Variants in RNF115 observed in about 807,000 individuals in gnomAD.
The protein encoded by RNF115 is E3 ubiquitin-protein ligase RNF115.
RNF115 carries 31 observed loss-of-function variants against 39.2 expected under a neutral mutation model. The observed-to-expected ratio is 0.79, with a 90% CI of 0.59 to 1.07. The LOEUF (loss-of-function observed/expected upper bound fraction) is 1.07. Ranked by LOEUF, RNF115 falls within the 50% of genes least tolerant of loss-of-function variation. The pLI, the probability that RNF115 is intolerant of heterozygous loss-of-function variation, is 0.00. For synonymous variants in RNF115, 124 were observed against 131.0 expected, an observed-to-expected ratio of 0.95 and a Z score of 0.37; for missense variants, 384 against 381.7, an observed-to-expected ratio of 1.01 and a Z score of -0.05.
At chr1:145,800,258 T>A (rs969921196) in intron 1 of RNF115, among the ~76,000 whole-genome samples, 4 of 152,186 alleles carry the variant, frequency 2.6e-5, no homozygotes, top group African/African-American at 7.2e-5. Flanking sequence ...ACTAAACACA[T>A]GATGTGCTTG....
chr1:145,753,944 C>T (rs1658197369), intron 4 of RNF115, among the ~76,000 whole-genome samples: 1 of 152,118 alleles, frequency 6.6e-6, no homozygotes, highest in South Asian at 2.1e-4. Context: ...CAAAGCTGAT[C>T]TTGACCTCCT....
intron 1 of RNF115, among the ~76,000 whole-genome samples, chr1:145,803,700 T>C (rs587711467): frequency 3.3e-4 from 50 of 152,342 alleles, no homozygotes; most frequent in Non-Finnish European, 5.7e-4. Context: ...CTTTATCATT[T>C]TGTTCCTTAA....
chr1:145,746,899 A>G lies in RNF115; in HGVS notation c.882T>C (p.Asn294=). 2 of 1,614,122 alleles carry G rather than the reference A, an allele frequency of 1.2e-6. No individual in the cohort carries two copies. Among genetic ancestry groups the G allele is most frequent in the Non-Finnish European group, 1.7e-6 (2 of 1,180,006 alleles). ...TCCATCGGTCATGTAGCTGACTGTC[A>G]TTGCTAAATCTGTTGCTTGCAGAGG... ...TEASASNRFS[N]DSQLHDRWTF is the part of the protein sequence containing the mutation. Residue 294 remains asparagine (N), a synonymous_variant, in exon 9 of 9, where the codon AAT becomes AAC. Transcript: ENST00000582693.
At chr1:145,753,257 C>G (rs1658165152) in intron 4 of RNF115, among the ~76,000 whole-genome samples, 2 of 152,128 alleles carry the variant, frequency 1.3e-5, no homozygotes, top group South Asian at 4.1e-4. Context: ...TGCTATCTTA[C>G]AGATTAATAG....
intron 4 of RNF115, among the ~76,000 whole-genome samples, chr1:145,769,422 T>TA (rs1214011785): frequency 5.9e-5 from 9 of 152,276 alleles, no homozygotes; most frequent in Admixed American, 4.6e-4. Context: ...ATTATCCACT[T>TA]ATTCAAAACA....
chr1:145,742,220 T>A lies in RNF115; in HGVS notation c.*4646A>T, dbSNP rs587692167. ...CCCTCCTGATTTATTAAGACCGACA[T>A]ATTTAATTTGCATTTCTTGAGGGAA... On this transcript the variant is annotated 3_prime_UTR_variant, in exon 9 of 9. Transcript: ENST00000582693. The A allele has an allele frequency of 1.9e-4, 29 of 152,248 alleles. No individual in the cohort carries two copies. The highest frequency in any genetic ancestry group is 6.5e-4 in the African/African-American group (27 of 41,536). The allele number at this position is 152,248 out of a possible 1,614,324, so 9.4% of individuals were successfully genotyped here.
chr1:145,806,489 G>C (rs1392414010), intron 1 of RNF115, among the ~76,000 whole-genome samples: 2 of 152,086 alleles, frequency 1.3e-5, no homozygotes, highest in African/African-American at 2.4e-5. Flanking sequence ...GAATATAGCT[G>C]ATATAGTTTG....
chr1:145,747,088 C>G, intron 8 of RNF115, 91 bp from the exon 9 acceptor site: 1 of 1,311,526 alleles, frequency 7.6e-7, no homozygotes. Flanking sequence ...ATTGTCACAT[C>G]AAAAATTATG....
Position 145,744,953 on chromosome 1 carries a change from C to G in RNF115, c.*1913G>C, listed in dbSNP as rs1411988535. 1 of 152,218 alleles carries G rather than the reference C, an allele frequency of 6.6e-6. No homozygotes were observed. Among genetic ancestry groups the G allele is most frequent in the African/African-American group, 2.4e-5 (1 of 41,424 alleles). The allele number at this position is 152,218 out of a possible 1,614,324, so 9.4% of individuals were successfully genotyped here. The stretch of plus-strand genomic sequence containing the variant: ...TAAGGCCTACCTCTTCCAGGCCAAG[C>G]TGTTTTGGACATGATCACACTGATC... On this transcript the variant is annotated 3_prime_UTR_variant, in exon 9 of 9. Coordinates refer to ENST00000582693, the MANE Select transcript of RNF115 (RefSeq NM_014455.4).
chr1:145,811,892 A>C (rs113527192), intron 1 of RNF115, among the ~76,000 whole-genome samples: 2 of 46,138 alleles, frequency 4.3e-5, no homozygotes, highest in African/African-American at 1.5e-4. Context: ...ACAAAAAAAA[A>C]AAAAAAAAAA....
chr1:145,772,008 A>G (rs1303390883), intron 3 of RNF115, 89 bp from the exon 4 acceptor site: 3 of 1,049,078 alleles, frequency 2.9e-6, no homozygotes, highest in South Asian at 3.1e-5. Context: ...ACAAATGGCC[A>G]CTGTGAATAT....
intron 8 of RNF115, among the ~76,000 whole-genome samples, chr1:145,747,264 C>A (rs1156525431): frequency 6.6e-6 from 1 of 152,106 alleles, no homozygotes; most frequent in Non-Finnish European, 1.5e-5. Flanking sequence ...ACAGAACGAA[C>A]CAGAAACAGT....
rs1348520728 is a variant in RNF115 at position 145,745,057 on chromosome 1, G to GT, written c.*1808dup. 6.6e-6 allele frequency: 1 copy of GT among 152,206 alleles called. No homozygotes were observed. The highest frequency in any genetic ancestry group is 1.5e-5 in the Non-Finnish European group (1 of 68,054). 9.4% of individuals were successfully genotyped at this position (152,206 alleles called of 1,614,324 possible). A position where few individuals can be genotyped will look rare whatever the true frequency, so the allele number is the denominator to read the frequency against. Reference sequence around the variant, plus strand: ...GAAAAATAGGCTTAAAAATTAAAATGTGACAATGTAAAATCTTAACTCCTG... The same window carrying GT: ...GAAAAATAGGCTTAAAAATTAAAATGTTGACAATGTAAAATCTTAACTCCTG... On this transcript the variant is annotated 3_prime_UTR_variant, in exon 9 of 9. Coordinates refer to ENST00000582693, the MANE Select transcript of RNF115 (RefSeq NM_014455.4).
intron 1 of RNF115, among the ~76,000 whole-genome samples, chr1:145,814,235 G>A (rs1281773449): frequency 1.3e-5 from 2 of 151,834 alleles, no homozygotes; most frequent in South Asian, 4.2e-4. Flanking sequence ...ACTCCAACCT[G>A]GGCAACAAAG....
chr1:145,775,787 G>A (rs2101540838), intron 3 of RNF115, among the ~76,000 whole-genome samples: 1 of 152,148 alleles, frequency 6.6e-6, no homozygotes, highest in East Asian at 1.9e-4. Context: ...ACTGAGGCCA[G>A]AAGTTCGAGA....
intron 4 of RNF115, among the ~76,000 whole-genome samples, chr1:145,768,014 G>A (rs1276914508): frequency 6.6e-6 from 1 of 152,202 alleles, no homozygotes; most frequent in African/African-American, 2.4e-5. Context: ...GAGGGAGAGG[G>A]AGAGGGAGCC....
intron 1 of RNF115, among the ~76,000 whole-genome samples, chr1:145,794,193 C>T (rs587629518): frequency 6.6e-6 from 1 of 152,248 alleles, no homozygotes; most frequent in South Asian, 2.1e-4. Context: ...TAGTCCTTTC[C>T]AATCTGAAAT....
At chr1:145,799,118 G>C (rs587738749) in intron 1 of RNF115, among the ~76,000 whole-genome samples, 1 of 151,022 alleles carries the variant, frequency 6.6e-6, no homozygotes, top group Non-Finnish European at 1.5e-5. Flanking sequence ...ACCAGGCTGG[G>C]GTGCAGTGGC....
chr1:145,803,067 CT>C (rs1649319540), intron 1 of RNF115, among the ~76,000 whole-genome samples: 2 of 152,202 alleles, frequency 1.3e-5, no homozygotes, highest in Non-Finnish European at 2.9e-5. Flanking sequence ...TCCTCACTGA[CT>C]TCTTTCTCTC....
Sources: allele counts gnomAD v4.1 joint callset (sites outside exome capture counted in the v4.1 genomes callset), GRCh38; gene constraint gnomAD v4.1.1; transcripts MANE v1.5; gene names NCBI Gene and HGNC (gene_info 2026-07-23, HGNC 2026-07-21).